Variants in NLGN4X observed in about 807,000 individuals in gnomAD.
NLGN4X encodes the protein neuroligin 4 X-linked.
In NLGN4X, 3 loss-of-function variants were observed where a neutral mutation model predicts 40.3. That is an observed-to-expected ratio of 0.07 (90% CI 0.03 to 0.19). NLGN4X has a LOEUF of 0.19. Among genes scored for constraint, NLGN4X ranks in the 10% least tolerant of loss-of-function variants. NLGN4X has a pLI of 1.00. For synonymous variants in NLGN4X, 270 were observed against 306.8 expected, an observed-to-expected ratio of 0.88 and a Z score of 1.25; for missense variants, 382 against 708.3, an observed-to-expected ratio of 0.54 and a Z score of 5.23.
chrX:6,024,276 G>C (rs1192391412), intron 3 of NLGN4X, among the ~76,000 whole-genome samples: 2 of 111,691 alleles, frequency 1.8e-5, no homozygotes, highest in African/African-American at 6.5e-5. Context: ...CAAATGCCCT[G>C]GCACGTACAG....
chrX:6,073,206 C>T (rs1035859364), intron 2 of NLGN4X, among the ~76,000 whole-genome samples: 5 of 111,758 alleles, frequency 4.5e-5, no homozygotes, highest in Non-Finnish European at 9.4e-5. Flanking sequence ...ATCAGTCACC[C>T]CCTGCCTTCT....
chrX:6,123,770 G>T (rs1355777722), intron 2 of NLGN4X, among the ~76,000 whole-genome samples: 1 of 85,560 alleles, frequency 1.2e-5, no homozygotes, highest in Non-Finnish European at 2.4e-5. Context: ...ACAGAAGAAA[G>T]AAAAATATAA....
intron 2 of NLGN4X, among the ~76,000 whole-genome samples, chrX:6,104,644 C>T (rs1246200973): frequency 9.0e-6 from 1 of 111,172 alleles, no homozygotes; most frequent in African/African-American, 3.3e-5. Context: ...TCATCTTCCC[C>T]TCAGACTATT....
At chrX:6,036,745 G>C (rs1313057690) in intron 2 of NLGN4X, among the ~76,000 whole-genome samples, 2 of 110,031 alleles carry the variant, frequency 1.8e-5, no homozygotes, top group Non-Finnish European at 3.8e-5. Flanking sequence ...ACAACAATTA[G>C]CATCTCCGTA....
chrX:5,992,202 T>C (rs1325585711), intron 3 of NLGN4X, among the ~76,000 whole-genome samples: 2 of 112,286 alleles, frequency 1.8e-5, no homozygotes, highest in Non-Finnish European at 3.8e-5. Context: ...AGAGATTACA[T>C]AACTTGTCTA....
intron 2 of NLGN4X, among the ~76,000 whole-genome samples, chrX:6,080,508 G>A (rs1204197333): frequency 1.8e-5 from 2 of 111,970 alleles, no homozygotes; most frequent in Non-Finnish European, 3.8e-5. Flanking sequence ...TGCCAAAGAT[G>A]CAAAATCACC....
chrX:6,070,621 C>A (rs138898300), intron 2 of NLGN4X, among the ~76,000 whole-genome samples: 1 of 111,953 alleles, frequency 8.9e-6, no homozygotes, highest in Admixed American at 9.5e-5. Context: ...GCCGTGATGG[C>A]ATGTGCCTGT....
chrX:6,016,708 GA>G (rs2036405258), intron 3 of NLGN4X, among the ~76,000 whole-genome samples: 1 of 111,452 alleles, frequency 9.0e-6, no homozygotes, highest in Non-Finnish European at 1.9e-5. Context: ...CCAGAAACTG[GA>G]AATGATCCCA....
At chrX:6,011,419 C>T (rs904826323) in intron 3 of NLGN4X, among the ~76,000 whole-genome samples, 1 of 109,235 alleles carries the variant, frequency 9.2e-6, no homozygotes, top group African/African-American at 3.3e-5. Context: ...ACTTCTACAG[C>T]AGGAATTTCT....
In NLGN4X at chrX:5,903,199, G is replaced by C; in HGVS notation, c.1479C>G (p.Val493=). ...SWADSAHGDE[V]PYVFGIPMIG... ...TCATGGGGATGCCGAAGACATAGGGGACCTCATCACCATGGGCCGAATCTG... is the reference window on the plus strand; with the variant it reads ...TCATGGGGATGCCGAAGACATAGGGCACCTCATCACCATGGGCCGAATCTG... The change falls in exon 5 of 6, where the codon GTC becomes GTG. Residue 493 remains valine (V), a synonymous_variant. Transcript: ENST00000381095. 5.8e-6 allele frequency: 7 copies of C among 1,212,050 alleles called. No individual in the cohort carries two copies. Among genetic ancestry groups the C allele is most frequent in the Non-Finnish European group, 6.7e-6 (6 of 895,587 alleles).
intron 2 of NLGN4X, among the ~76,000 whole-genome samples, chrX:6,119,364 T>G (rs1387995502): frequency 8.9e-6 from 1 of 112,392 alleles, no homozygotes; most frequent in East Asian, 2.8e-4. Context: ...AATAAATTTC[T>G]GAAGTGCTCA....
At chrX:6,130,820 T>A (rs957739513) in intron 2 of NLGN4X, among the ~76,000 whole-genome samples, 8 of 112,082 alleles carry the variant, frequency 7.1e-5, no homozygotes, top group African/African-American at 2.6e-4. Context: ...CACGGATTAA[T>A]CCTGTTAATA....
chrX:6,123,482 G>A (rs1364000027), intron 2 of NLGN4X, among the ~76,000 whole-genome samples: 4 of 111,432 alleles, frequency 3.6e-5, no homozygotes, highest in Non-Finnish European at 5.7e-5. Context: ...TACAGGTAAC[G>A]ACAAAAAATT....
chrX:6,174,608 C>A (rs757848735), intron 1 of NLGN4X, among the ~76,000 whole-genome samples: 30 of 112,149 alleles, frequency 2.7e-4, no homozygotes, highest in Non-Finnish European at 4.9e-4. Context: ...GAATACTATG[C>A]AACCATGAAA....
At chrX:6,033,293 T>A (rs1360027040) in intron 2 of NLGN4X, among the ~76,000 whole-genome samples, 3 of 111,976 alleles carry the variant, frequency 2.7e-5, no homozygotes, top group African/African-American at 6.5e-5. Flanking sequence ...ATTAATTTCA[T>A]GCATTAAAAA....
intron 5 of NLGN4X, among the ~76,000 whole-genome samples, chrX:5,896,173 G>C (rs1465161398): frequency 8.9e-6 from 1 of 111,733 alleles, no homozygotes; most frequent in East Asian, 2.8e-4. Flanking sequence ...TTGGGTACAA[G>C]GCTATTTTCG....
At chrX:6,053,358 T>A (rs190470855) in intron 2 of NLGN4X, among the ~76,000 whole-genome samples, 10 of 111,119 alleles carry the variant, frequency 9.0e-5, no homozygotes, top group African/African-American at 2.9e-4. Context: ...TTGTGAGCAG[T>A]TTAGGAAGAT....
intron 3 of NLGN4X, among the ~76,000 whole-genome samples, chrX:5,918,857 T>C: frequency 8.9e-6 from 1 of 111,997 alleles, no homozygotes; most frequent in Non-Finnish European, 1.9e-5. Flanking sequence ...ATCAGAGAAA[T>C]TAGTGCAATT....
At position 6,150,459 on chromosome X, in the gene NLGN4X, C is replaced by T. The variant is rs760833096; in HGVS notation, c.472+536G>A. Among the ~76,000 whole-genome samples the T allele has an allele frequency of 2.7e-5, 3 of 111,785 alleles. No homozygotes were observed. The South Asian group carries it at 1.1e-3, about 42-fold the overall frequency. ...ACATCCAAATTTACGTTAAGAAAACCGATTCTAAACAATGAAATCCAACCA... is the reference window on the plus strand; with the variant it reads ...ACATCCAAATTTACGTTAAGAAAACTGATTCTAAACAATGAAATCCAACCA... On this transcript the variant is annotated intron_variant, in intron 2 of 5. Coordinates refer to ENST00000381095, the MANE Select transcript of NLGN4X (RefSeq NM_181332.3).
Sources: allele counts gnomAD v4.1 joint callset (sites outside exome capture counted in the v4.1 genomes callset), GRCh38; gene constraint gnomAD v4.1.1; transcripts MANE v1.5; gene names NCBI Gene and HGNC (gene_info 2026-07-23, HGNC 2026-07-21).